GPC6: variants seen among roughly 807,000 people sequenced by gnomAD.
GPC6 encodes the protein glypican 6, also known as glypican-6.
GPC6 carries 14 observed loss-of-function variants against 55.2 expected under a neutral mutation model. The ratio of observed to expected loss-of-function variants is 0.25; its 90% CI spans 0.17 to 0.40. The LOEUF is 0.40. Among genes scored for constraint, GPC6 ranks in the 10% least tolerant of loss-of-function variants. GPC6 has a pLI of 1.00. For synonymous variants in GPC6, 278 were observed against 259.6 expected, an observed-to-expected ratio of 1.07 and a Z score of -0.68; for missense variants, 641 against 708.5, an observed-to-expected ratio of 0.90 and a Z score of 1.08.
At chr13:93,969,856 A>G (rs903386190) in intron 3 of GPC6, among the ~76,000 whole-genome samples, 2 of 152,032 alleles carry the variant, frequency 1.3e-5, no homozygotes, top group Non-Finnish European at 2.9e-5. Context: ...ATTTCACTTA[A>G]CATAATGGCC....
At chr13:93,556,501 G>GT (rs1555311061) in intron 2 of GPC6, among the ~76,000 whole-genome samples, 3 of 150,024 alleles carry the variant, frequency 2.0e-5, no homozygotes, top group African/African-American at 7.3e-5. Context: ...GGAGAATGGA[G>GT]TATCCATCCC....
intron 4 of GPC6, among the ~76,000 whole-genome samples, chr13:94,174,290 C>A (rs532544984): frequency 6.6e-6 from 1 of 152,026 alleles, no homozygotes; most frequent in Admixed American, 6.6e-5. Context: ...GACACAGGGA[C>A]AACCAAAAGG....
At chr13:93,875,404 T>C (rs879394436) in intron 3 of GPC6, among the ~76,000 whole-genome samples, 9 of 152,058 alleles carry the variant, frequency 5.9e-5, no homozygotes, top group Non-Finnish European at 1.0e-4. Context: ...AATAACTTTT[T>C]TAAAAGAAAC....
chr13:93,746,541 C>A (rs1468556812), intron 2 of GPC6, among the ~76,000 whole-genome samples: 1 of 152,168 alleles, frequency 6.6e-6, no homozygotes, highest in African/African-American at 2.4e-5. Context: ...AATTTATTAT[C>A]ACCATAACAG....
chr13:93,703,842 T>G (rs1882756129), intron 2 of GPC6, among the ~76,000 whole-genome samples: 1 of 151,964 alleles, frequency 6.6e-6, no homozygotes, highest in Admixed American at 6.6e-5. Context: ...GCCAACTGTT[T>G]AATATCAAAC....
rs1875806541 is a variant in GPC6 at position 93,395,359 on chromosome 13, A to G, written c.161-149904A>G. ...CAACTTCACAGTTGTGTCCATTCAC[A>G]GGATGGTATTTCGGAATGACAATCT... On this transcript the variant is annotated intron_variant, in intron 1 of 8. Coordinates refer to ENST00000377047, the MANE Select transcript of GPC6 (RefSeq NM_005708.5). The G allele has an allele frequency of 1.0e-4, 42 of 413,426 alleles. 1 individual carries two copies. The South Asian group carries it at 1.1e-3, about 11-fold the overall frequency. The allele number at this position is 413,426 out of a possible 1,614,324, so 25.6% of individuals were successfully genotyped here.
chr13:93,467,844 G>T (rs188865483), intron 1 of GPC6, among the ~76,000 whole-genome samples: 1 of 152,042 alleles, frequency 6.6e-6, no homozygotes, highest in Non-Finnish European at 1.5e-5. Flanking sequence ...TCCCGCCAAG[G>T]CCTCCCAAAG....
intron 2 of GPC6, among the ~76,000 whole-genome samples, chr13:93,681,492 T>C (rs79895503): frequency 3.3e-5 from 5 of 152,154 alleles, no homozygotes; most frequent in Non-Finnish European, 7.4e-5. Flanking sequence ...TAAAAACTAA[T>C]GGTAATAATA....
intron 2 of GPC6, among the ~76,000 whole-genome samples, chr13:93,579,927 C>G (rs980318953): frequency 6.6e-6 from 1 of 152,136 alleles, no homozygotes; most frequent in Non-Finnish European, 1.5e-5. Context: ...CAAAAATACA[C>G]TTTTCAAAAA....
At chr13:94,008,087 C>T (rs1007750850) in intron 3 of GPC6, among the ~76,000 whole-genome samples, 1 of 151,988 alleles carries the variant, frequency 6.6e-6, no homozygotes, top group South Asian at 2.1e-4. Flanking sequence ...GCTTCTGTGT[C>T]CTGCCTTCCA....
chr13:93,777,204 C>T (rs369560288), intron 2 of GPC6, among the ~76,000 whole-genome samples: 1 of 152,174 alleles, frequency 6.6e-6, no homozygotes, highest in African/African-American at 2.4e-5. Context: ...TTGAAACAGG[C>T]GATCAAGCAA....
At chr13:93,254,120 T>A (rs912350878) in intron 1 of GPC6, among the ~76,000 whole-genome samples, 5 of 152,122 alleles carry the variant, frequency 3.3e-5, no homozygotes, top group Non-Finnish European at 7.4e-5. Context: ...GCCAGGAGTT[T>A]GAGACTGGCT....
At chr13:94,000,704 T>TA (rs1183476334) in intron 3 of GPC6, among the ~76,000 whole-genome samples, 1 of 152,166 alleles carries the variant, frequency 6.6e-6, no homozygotes, top group Non-Finnish European at 1.5e-5. Flanking sequence ...TCAGTTATTA[T>TA]AAAAAAGATA....
At chr13:93,668,940 C>A (rs1212996829) in intron 2 of GPC6, among the ~76,000 whole-genome samples, 1 of 152,134 alleles carries the variant, frequency 6.6e-6, no homozygotes, top group Non-Finnish European at 1.5e-5. Context: ...TACGAACAAT[C>A]CCTTTTCCCT....
At chr13:93,332,383 T>C (rs1448863740) in intron 1 of GPC6, among the ~76,000 whole-genome samples, 1 of 152,084 alleles carries the variant, frequency 6.6e-6, no homozygotes, top group Non-Finnish European at 1.5e-5. Flanking sequence ...GTGTTTATCT[T>C]TTGTCTTTTT....
At chr13:93,542,638 G>T (rs1882364076) in intron 1 of GPC6, among the ~76,000 whole-genome samples, 1 of 152,122 alleles carries the variant, frequency 6.6e-6, no homozygotes, top group South Asian at 2.1e-4. Context: ...TCGTGATATT[G>T]ATTCTTCCTA....
intron 4 of GPC6, among the ~76,000 whole-genome samples, chr13:94,194,868 T>C (rs1307118438): frequency 6.6e-6 from 1 of 152,004 alleles, no homozygotes; most frequent in East Asian, 1.9e-4. Flanking sequence ...TGTATGTGTG[T>C]GTGTGTTTGT....
intron 1 of GPC6, among the ~76,000 whole-genome samples, chr13:93,342,675 AAC>A (rs1880300186): frequency 6.6e-6 from 1 of 152,190 alleles, no homozygotes; most frequent in South Asian, 2.1e-4. Context: ...GTATAGTGAT[AAC>A]AGTCGTGAAG....
intron 1 of GPC6, among the ~76,000 whole-genome samples, chr13:93,452,564 G>T (rs1878271076): frequency 6.6e-6 from 1 of 152,172 alleles, no homozygotes; most frequent in African/African-American, 2.4e-5. Flanking sequence ...CCATGAAATA[G>T]TAAGCCTCAA....
Sources: gnomAD v4.1 joint callset for allele counts (sites outside exome capture counted in the v4.1 genomes callset) on GRCh38, gnomAD v4.1.1 for gene constraint, MANE v1.5 for transcripts, NCBI Gene and HGNC (gene_info 2026-07-23, HGNC 2026-07-21) for gene names.